Variants in ABCE1 observed in about 807,000 individuals in gnomAD.
ABCE1 encodes ATP binding cassette subfamily E member 1, also known as ATP-binding cassette sub-family E member 1.
ABCE1 carries 22 observed loss-of-function variants against 83.4 expected under a neutral mutation model. The observed-to-expected ratio is 0.26, with a 90% confidence interval of 0.19 to 0.38. The LOEUF is 0.38. Among genes scored for constraint, ABCE1 ranks in the 10% least tolerant of loss-of-function variants. The probability of loss-of-function intolerance (pLI) is 1.00; values close to 1 mark genes in which losing one functional copy is unlikely to be tolerated. For synonymous variants in ABCE1, 204 were observed against 233.7 expected (o/e 0.87, Z 1.16); for missense variants, 330 against 721.9 (o/e 0.46, Z 6.22).
Position 145,123,547 on chromosome 4 carries a change from G to T in ABCE1, c.1587G>T (p.Ala529=). ...EHDFIMATYL[A]DRVIVFDGVP... ...ACTTCATCATGGCCACCTATCTAGCGGATCGCGTCATCGTTTTTGATGGTG... is the reference window on the plus strand; with the variant it reads ...ACTTCATCATGGCCACCTATCTAGCTGATCGCGTCATCGTTTTTGATGGTG... Residue 529 remains alanine, a synonymous_variant, in exon 16 of 18, where the codon GCG becomes GCT. Transcript: ENST00000296577. 2 of 1,607,138 alleles carry T rather than the reference G, an allele frequency of 1.2e-6. No individual in the cohort carries two copies. Among genetic ancestry groups the T allele is most frequent in the Non-Finnish European group, 1.7e-6 (2 of 1,174,194 alleles).
intron 10 of ABCE1, among the ~76,000 whole-genome samples, chr4:145,118,253 C>CTT: frequency 7.4e-6 from 1 of 134,526 alleles, no homozygotes; most frequent in Middle Eastern, 3.8e-3. Flanking sequence ...TTCTTTCTTT[C>CTT]TTTTTTTTTT....
At chr4:145,112,367 T>A in intron 9 of ABCE1, 39 bp downstream of exon 9, 1 of 1,364,628 alleles carries the variant, frequency 7.3e-7, no homozygotes, top group Non-Finnish European at 1.0e-6. Flanking sequence ...TTGTTTTGTT[T>A]GGAGATTTTT....
At chr4:145,108,647 A>G (rs977204121) in intron 4 of ABCE1, among the ~76,000 whole-genome samples, 2 of 152,262 alleles carry the variant, frequency 1.3e-5, no homozygotes, top group East Asian at 1.9e-4. Flanking sequence ...GTATTTCTCA[A>G]CCTGCCAGCT....
intron 17 of ABCE1, among the ~76,000 whole-genome samples, chr4:145,126,986 TAGAC>T (rs1178646243): frequency 1.3e-5 from 2 of 152,192 alleles, no homozygotes; most frequent in African/African-American, 4.8e-5. Flanking sequence ...GTCATTTTCT[TAGAC>T]AGACTTATGG....
At chr4:145,111,803 T>A (rs150669700) in intron 8 of ABCE1, among the ~76,000 whole-genome samples, 1 of 152,290 alleles carries the variant, frequency 6.6e-6, no homozygotes, top group South Asian at 2.1e-4. Flanking sequence ...CCCAGACATT[T>A]ATTGCTGCTT....
Position 145,110,451 on chromosome 4 carries a change from G to T in ABCE1, c.613+7G>T, listed in dbSNP as rs111590771. 1.2e-3 allele frequency: 1,984 copies of T among 1,610,802 alleles called. 28 individuals are homozygous for T. In the African/African-American group the frequency reaches 0.024, roughly 20 times the overall value. ...ATTGTATGTCAGCAGCTTGGTAAGT[G>T]TTTATTTTTTGTTTGTGTGAATATA... On this transcript the variant is annotated splice_region_variant and intron_variant, in intron 7 of 17. Transcript: ENST00000296577.
chr4:145,113,544 C>T (rs34830551), intron 9 of ABCE1, among the ~76,000 whole-genome samples: 33 of 152,132 alleles, frequency 2.2e-4, no homozygotes, highest in African/African-American at 8.0e-4. Flanking sequence ...CTCATGAGGA[C>T]GAGCTCAAAT....
In ABCE1 at chr4:145,109,258, T is replaced by C. The variant is rs1381877365; in HGVS notation, c.405+9T>C. 6.6e-7 allele frequency: 1 copy of C among 1,505,906 alleles called. No homozygotes were observed. The highest frequency in any genetic ancestry group is 1.9e-5 in the Admixed American group (1 of 52,676). The allele number at this position is 1,505,906 out of a possible 1,614,324, so 93.3% of individuals were successfully genotyped here. ...ACCTTGGAAAGTACGATGTATGTAT[T>C]ATCACCTTGTAAAAATTAATATCAT... On this transcript the variant is annotated intron_variant, in intron 5 of 17. Coordinates refer to ENST00000296577, the MANE Select transcript of ABCE1 (RefSeq NM_002940.3).
At chr4:145,104,833 A>T (rs1229946396) in intron 2 of ABCE1, among the ~76,000 whole-genome samples, 1 of 151,430 alleles carries the variant, frequency 6.6e-6, no homozygotes, top group Non-Finnish European at 1.5e-5. Flanking sequence ...TTATATATAT[A>T]GTAATTAATT....
At chr4:145,103,700 T>G (rs1211904919) in intron 1 of ABCE1, among the ~76,000 whole-genome samples, 1 of 152,092 alleles carries the variant, frequency 6.6e-6, no homozygotes, top group Non-Finnish European at 1.5e-5. Context: ...CTTTTTCAGT[T>G]TTCCTGGCTA....
intron 17 of ABCE1, among the ~76,000 whole-genome samples, chr4:145,126,027 C>A (rs571394667): frequency 6.6e-6 from 1 of 152,020 alleles, no homozygotes; most frequent in East Asian, 1.9e-4. Context: ...GGCAACAGAG[C>A]GAGTCTCTGT....
At chr4:145,115,326 CTGTT>C (rs1749581686) in intron 9 of ABCE1, among the ~76,000 whole-genome samples, 1 of 151,876 alleles carries the variant, frequency 6.6e-6, no homozygotes, top group Non-Finnish European at 1.5e-5. Context: ...CTCACACTGG[CTGTT>C]TAAGGAAACA....
intron 1 of ABCE1, among the ~76,000 whole-genome samples, chr4:145,101,643 C>A (rs1412684558): frequency 6.6e-6 from 1 of 152,148 alleles, no homozygotes; most frequent in Admixed American, 6.5e-5. Context: ...TGATAGCTTA[C>A]ACCAAACTCA....
intron 5 of ABCE1, among the ~76,000 whole-genome samples, 200 bp from the exon 6 acceptor site, chr4:145,109,903 G>A (rs1749418423): frequency 6.6e-6 from 1 of 152,084 alleles, no homozygotes; most frequent in South Asian, 2.1e-4. Flanking sequence ...ATCTGCTTTT[G>A]AATAACATAA....
chr4:145,120,087 T>A lies in ABCE1; in HGVS notation c.1078T>A (p.Phe360Ile). 6.2e-7 allele frequency: 1 copy of A among 1,611,864 alleles called. No individual in the cohort carries two copies. The highest frequency in any genetic ancestry group is 8.5e-7 in the Non-Finnish European group (1 of 1,179,210). ...YPGMKKKMGE[F>I]ELAIVAGEFT... ...AGGAATGAAGAAAAAAATGGGAGAATTTGAGCTAGCAATTGTAGCTGGAGA... is the reference window on the plus strand; with the variant it reads ...AGGAATGAAGAAAAAAATGGGAGAAATTGAGCTAGCAATTGTAGCTGGAGA... Residue 360 changes from phenylalanine (F) to isoleucine (I), a missense_variant, in exon 11 of 18, where the codon TTT (phenylalanine) becomes ATT (isoleucine). By Grantham distance (21) the Phe-to-Ile change is conservative. Transcript: ENST00000296577.
intron 10 of ABCE1, among the ~76,000 whole-genome samples, chr4:145,118,854 A>G (rs1749670379): frequency 6.6e-6 from 1 of 151,902 alleles, no homozygotes; most frequent in Non-Finnish European, 1.5e-5. Flanking sequence ...GACAAGACAA[A>G]CATTGAAGTA....
At chr4:145,120,179 A>C (rs774135028) in intron 11 of ABCE1, 26 bp downstream of exon 11, 1 of 1,565,978 alleles carries the variant, frequency 6.4e-7, no homozygotes, top group Admixed American at 2.0e-5. Context: ...TGTGATAAGT[A>C]AAAATCTTCC....
chr4:145,123,463 A>G lies in ABCE1; in HGVS notation c.1518-15A>G, dbSNP rs771569533. ...TGATAGAAAGCTATAAGATTTCAAA[A>G]TCATTGTGTTTTAGTTTCATACTCC... On this transcript the variant is annotated splice_polypyrimidine_tract_variant and intron_variant, in intron 15 of 17. Coordinates refer to ENST00000296577, the MANE Select transcript of ABCE1 (RefSeq NM_002940.3). The G allele has an allele frequency of 6.3e-7, 1 of 1,594,272 alleles. No individual in the cohort carries two copies. The highest frequency in any genetic ancestry group is 8.6e-7 in the Non-Finnish European group (1 of 1,163,548).
intron 3 of ABCE1, among the ~76,000 whole-genome samples, 188 bp downstream of exon 3, chr4:145,105,878 CT>C (rs1246302405): frequency 6.6e-6 from 1 of 151,852 alleles, no homozygotes; most frequent in East Asian, 1.9e-4. Flanking sequence ...TTAAACCACC[CT>C]TTTTAAAAGT....
Sources: gnomAD v4.1 joint callset for allele counts (sites outside exome capture counted in the v4.1 genomes callset) on GRCh38, gnomAD v4.1.1 for gene constraint, MANE v1.5 for transcripts, NCBI Gene and HGNC (gene_info 2026-07-23, HGNC 2026-07-21) for gene names.